AIM2: variants seen among roughly 807,000 people sequenced by gnomAD.
AIM2 encodes the protein absent in melanoma 2.
In AIM2, 30 loss-of-function variants were observed where a neutral mutation model predicts 27.7. That is an observed-to-expected ratio of 1.08 (90% CI 0.81 to 1.47). The LOEUF (loss-of-function observed/expected upper bound fraction) is 1.47. Ranked by LOEUF, AIM2 falls within the 40% of genes most tolerant of loss-of-function variation. The probability of loss-of-function intolerance (pLI) is 0.00; values close to 1 mark genes in which losing one functional copy is unlikely to be tolerated. For missense variants in AIM2, 358 were observed against 411.3 expected (o/e 0.87, Z 1.12); for synonymous variants, 141 against 145.3 (o/e 0.97, Z 0.21).
At chr1:159,142,444 T>A (rs1286178671), upstream of AIM2, among the ~76,000 whole-genome samples, 1 of 152,080 alleles carries the variant, frequency 6.6e-6, no homozygotes, top group Non-Finnish European at 1.5e-5. Context: ...GAAGAGTGGG[T>A]GTGTACACAT....
chr1:159,129,589 C>T (rs1647813954), intron 1 of AIM2, among the ~76,000 whole-genome samples: 1 of 152,090 alleles, frequency 6.6e-6, no homozygotes, highest in South Asian at 2.1e-4. Context: ...GCCTCAGTTT[C>T]CTTATCTCAA....
intron 1 of AIM2, among the ~76,000 whole-genome samples, chr1:159,075,624 A>AAT (rs1557896575): frequency 1.1e-3 from 171 of 151,990 alleles, no homozygotes; most frequent in African/African-American, 4.0e-3. Context: ...AGAGAGAGAG[A>AAT]GAGAGAGAGA....
intron 1 of AIM2, among the ~76,000 whole-genome samples, chr1:159,083,236 A>G (rs563366716): frequency 1.8e-4 from 28 of 152,304 alleles, no homozygotes; most frequent in African/African-American, 6.5e-4. Flanking sequence ...GGGAAAGTGG[A>G]AAGAGAGATG....
chr1:159,064,329 C>A (rs1309805602), intron 4 of AIM2, among the ~76,000 whole-genome samples: 2 of 152,188 alleles, frequency 1.3e-5, no homozygotes, highest in Non-Finnish European at 2.9e-5. Flanking sequence ...TCCTAAATTC[C>A]CTTCCTTTAG....
intron 1 of AIM2, among the ~76,000 whole-genome samples, chr1:159,115,917 T>G (rs1489533268): frequency 6.6e-6 from 1 of 151,890 alleles, no homozygotes; most frequent in Admixed American, 6.6e-5. Context: ...GGGAGAAAAT[T>G]TTTGCAATCT....
chr1:159,088,472 A>AT (rs1404354645), intron 1 of AIM2, among the ~76,000 whole-genome samples: 1 of 152,184 alleles, frequency 6.6e-6, no homozygotes, highest in Non-Finnish European at 1.5e-5. Flanking sequence ...ATGGAGGCAA[A>AT]TGATGTTCCT....
chr1:159,113,109 T>C (rs985701460), intron 1 of AIM2, among the ~76,000 whole-genome samples: 1 of 152,026 alleles, frequency 6.6e-6, no homozygotes, highest in Non-Finnish European at 1.5e-5. Flanking sequence ...CACGCCCAGC[T>C]AATTTTTTGT....
chr1:159,063,844 G>A (rs1030124161), intron 4 of AIM2, among the ~76,000 whole-genome samples, 170 bp from the exon 5 acceptor site: 1 of 152,118 alleles, frequency 6.6e-6, no homozygotes, highest in Non-Finnish European at 1.5e-5. Context: ...CTCTGTCTCT[G>A]CCACCCCAAG....
chr1:159,134,894 T>C (rs1267555957), intron 1 of AIM2, among the ~76,000 whole-genome samples: 1 of 152,168 alleles, frequency 6.6e-6, no homozygotes, highest in Non-Finnish European at 1.5e-5. Flanking sequence ...TACAAAAGCT[T>C]CATTTATGCT....
At chr1:159,111,371 T>C (rs1317322114) in intron 1 of AIM2, among the ~76,000 whole-genome samples, 1 of 152,214 alleles carries the variant, frequency 6.6e-6, no homozygotes, top group African/African-American at 2.4e-5. Context: ...TATTTAAAAC[T>C]AGTTAGGTGG....
intron 1 of AIM2, among the ~76,000 whole-genome samples, chr1:159,109,361 AG>A (rs1441897242): frequency 6.6e-6 from 1 of 152,192 alleles, no homozygotes; most frequent in Non-Finnish European, 1.5e-5. Flanking sequence ...GCCACATGTA[AG>A]AGAATGAAAC....
chr1:159,087,738 A>G (rs1453551200), intron 1 of AIM2, among the ~76,000 whole-genome samples: 1 of 151,702 alleles, frequency 6.6e-6, no homozygotes, highest in South Asian at 2.1e-4. Context: ...ACGCCCAGCT[A>G]ATTTTTGTAT....
At chr1:159,117,514 C>T (rs1453946203) in intron 1 of AIM2, among the ~76,000 whole-genome samples, 2 of 152,052 alleles carry the variant, frequency 1.3e-5, no homozygotes, top group Non-Finnish European at 1.5e-5. Context: ...ATGGTTTCTC[C>T]AGGAGGCTCT....
chr1:159,089,599 C>T (rs1657002286), intron 1 of AIM2, among the ~76,000 whole-genome samples: 1 of 152,154 alleles, frequency 6.6e-6, no homozygotes, highest in Non-Finnish European at 1.5e-5. Flanking sequence ...TTCCTAGTTT[C>T]ACTCCTTTAC....
intron 1 of AIM2, among the ~76,000 whole-genome samples, chr1:159,092,432 G>A (rs564485060): frequency 1.3e-5 from 2 of 152,142 alleles, no homozygotes; most frequent in Non-Finnish European, 2.9e-5. Context: ...TTAGAGACTG[G>A]CCCCTCTTCT....
At chr1:159,083,072 TA>T (rs1236722450) in intron 1 of AIM2, among the ~76,000 whole-genome samples, 1 of 152,164 alleles carries the variant, frequency 6.6e-6, no homozygotes, top group Non-Finnish European at 1.5e-5. Flanking sequence ...AACAAATTAT[TA>T]AAGATATGTC....
intron 1 of AIM2, among the ~76,000 whole-genome samples, chr1:159,109,779 A>G (rs578138419): frequency 3.3e-5 from 5 of 152,336 alleles, no homozygotes; most frequent in Admixed American, 2.0e-4. Flanking sequence ...AAGAAAATAT[A>G]CAAATGGCCA....
At chr1:159,065,084 T>C (rs535354907) in intron 4 of AIM2, among the ~76,000 whole-genome samples, 1 of 152,312 alleles carries the variant, frequency 6.6e-6, no homozygotes, top group South Asian at 2.1e-4. Context: ...CAATTCCTTC[T>C]GAAACTAACC....
At chr1:159,127,381 C>A (rs1328119527) in intron 1 of AIM2, among the ~76,000 whole-genome samples, 1 of 152,224 alleles carries the variant, frequency 6.6e-6, no homozygotes, top group African/African-American at 2.4e-5. Context: ...AGTAACAGAT[C>A]AGTGTCGGCC....
Sources: allele counts gnomAD v4.1 joint callset (sites outside exome capture counted in the v4.1 genomes callset), GRCh38; gene constraint gnomAD v4.1.1; transcripts MANE v1.5; gene names NCBI Gene and HGNC (gene_info 2026-07-23, HGNC 2026-07-21).